ODF2L: variants seen among roughly 807,000 people sequenced by gnomAD.
The protein encoded by ODF2L is protein BCAP.
Under a neutral mutation model 86.3 loss-of-function variants are expected in ODF2L, and 76 were observed. The observed-to-expected ratio is 0.88, with a 90% CI of 0.73 to 1.07. The LOEUF is 1.07. Ranked by LOEUF, ODF2L falls within the 50% of genes least tolerant of loss-of-function variation. The probability of loss-of-function intolerance (pLI) is 0.00; values close to 1 mark genes in which losing one functional copy is unlikely to be tolerated. For missense variants in ODF2L, 748 were observed against 717.4 expected, an observed-to-expected ratio of 1.04 and a Z score of -0.49; for synonymous variants, 241 against 231.3, an observed-to-expected ratio of 1.04 and a Z score of -0.38.
intron 4 of ODF2L, among the ~76,000 whole-genome samples, chr1:86,384,461 T>C (rs897438002): frequency 7.1e-6 from 1 of 140,142 alleles, no homozygotes; most frequent in Non-Finnish European, 1.6e-5. Context: ...TATGACAAAG[T>C]TTTTGAGATG....
chr1:86,383,642 T>A (rs922445578), intron 4 of ODF2L, among the ~76,000 whole-genome samples: 12 of 151,780 alleles, frequency 7.9e-5, no homozygotes, highest in African/African-American at 2.9e-4. Context: ...GAAGACTATT[T>A]ACTCATTTTT....
At chr1:86,391,808 G>C (rs1661350207) in intron 1 of ODF2L, among the ~76,000 whole-genome samples, 1 of 152,002 alleles carries the variant, frequency 6.6e-6, no homozygotes, top group Admixed American at 6.5e-5. Context: ...TCATTACCAA[G>C]AACCCAAAAA....
chr1:86,358,787 C>A, exon 13 of ODF2L: 1 of 1,210,756 alleles, frequency 8.3e-7, no homozygotes, highest in Non-Finnish European at 1.2e-6. Flanking sequence ...CCAAACGTAC[C>A]TTCTCTACAT....
exon 4 of ODF2L, chr1:86,384,765 G>T: frequency 6.6e-7 from 1 of 1,522,338 alleles, no homozygotes. Context: ...ATTTCCTTCT[G>T]TTCAGAAATC....
At chr1:86,376,480 TA>T (rs1356350400) in intron 7 of ODF2L, 62 bp from the exon 8 acceptor site, 1 of 1,005,206 alleles carries the variant, frequency 9.9e-7, no homozygotes, top group Non-Finnish European at 1.5e-6. Context: ...GTAAACATTG[TA>T]AAAATATGTA....
At chr1:86,347,524 T>C (rs117783135), downstream of ODF2L, 10 of 152,342 alleles carry the variant, frequency 6.6e-5, no homozygotes, top group East Asian at 1.9e-3. Flanking sequence ...TCTGACACTC[T>C]GTATTTTGCT....
chr1:86,383,860 T>G (rs957481836), intron 4 of ODF2L, among the ~76,000 whole-genome samples: 4 of 151,670 alleles, frequency 2.6e-5, no homozygotes, highest in Non-Finnish European at 4.4e-5. Context: ...CATGAGAAAA[T>G]ATTGATGATA....
At chr1:86,384,904 ATTC>A (rs1660836553) in intron 3 of ODF2L, 103 bp from the exon 4 acceptor site, 10 of 875,264 alleles carry the variant, frequency 1.1e-5, no homozygotes, top group Admixed American at 3.6e-5. Flanking sequence ...AAACAAAATC[ATTC>A]TTTTGTGCAT....
intron 3 of ODF2L, 28 bp from the exon 4 acceptor site, chr1:86,384,829 A>AT: frequency 6.8e-7 from 1 of 1,464,770 alleles, no homozygotes; most frequent in Non-Finnish European, 9.0e-7. Flanking sequence ...CCACATACAC[A>AT]TTTTAAGACA....
rs71643841 is a variant in ODF2L at position 86,366,391 on chromosome 1, T to TACACACAC, written c.1143+2237_1143+2244dup. On this transcript the variant is annotated intron_variant, in intron 11 of 17. Transcript: ENST00000317336. ...CTAGGCAGCATAGTGAGACCCCACC[T>TACACACAC]ACACACACACACACACACACACACA... Among the ~76,000 whole-genome samples, 397 of 119,330 alleles carry TACACACAC rather than the reference T, an allele frequency of 3.3e-3. 3 individuals carry two copies. Among genetic ancestry groups the TACACACAC allele is most frequent in the African/African-American group, 1.0e-2 (305 of 30,518 alleles). 78.3% of individuals were successfully genotyped at this position (119,330 alleles called of 152,430 possible). A position where few individuals can be genotyped will look rare whatever the true frequency, so the allele number is the denominator to read the frequency against.
exon 4 of ODF2L, chr1:86,384,685 G>A (rs1364814007): frequency 1.4e-6 from 2 of 1,475,640 alleles, no homozygotes; most frequent in East Asian, 2.6e-5. Context: ...CTTGTTTGTA[G>A]TCTCTCTTTC....
chr1:86,349,425 T>A (rs774664363), downstream of ODF2L: 1 of 152,206 alleles, frequency 6.6e-6, no homozygotes, highest in Non-Finnish European at 1.5e-5. Flanking sequence ...TCACTGACAA[T>A]GCTTTAGATA....
chr1:86,354,461 G>T, intron 16 of ODF2L, 69 bp downstream of exon 15: 3 of 983,012 alleles, frequency 3.1e-6, no homozygotes, highest in Non-Finnish European at 4.7e-6. Context: ...ACTACAGGTT[G>T]CAAGATGTTT....
intron 11 of ODF2L, among the ~76,000 whole-genome samples, chr1:86,363,557 C>T (rs1332972667): frequency 6.6e-6 from 1 of 151,704 alleles, no homozygotes; most frequent in Non-Finnish European, 1.5e-5. Flanking sequence ...TCTCTTTTGA[C>T]CATACAGTTA....
chr1:86,372,016 T>C (rs1659817789), intron 9 of ODF2L, among the ~76,000 whole-genome samples: 1 of 151,738 alleles, frequency 6.6e-6, no homozygotes, highest in African/African-American at 2.4e-5. Context: ...TGAAACCCTG[T>C]CTCTACTAAA....
Position 86,358,904 on chromosome 1 carries a change from T to C in ODF2L, c.1255-13A>G. 3 of 1,241,704 alleles carry C rather than the reference T, an allele frequency of 2.4e-6. No homozygotes were observed. Among genetic ancestry groups the C allele is most frequent in the Non-Finnish European group, 3.4e-6 (3 of 890,968 alleles). 76.9% of individuals were successfully genotyped at this position (1,241,704 alleles called of 1,614,324 possible). A position where few individuals can be genotyped will look rare whatever the true frequency, so the allele number is the denominator to read the frequency against. ...GCAACTTTTGTACCTGAAAATAAAG[T>C]ATTAGAGAAACATATTATTTTTAGA... On this transcript the variant is annotated splice_polypyrimidine_tract_variant and intron_variant, in intron 12 of 17. Coordinates refer to ENST00000317336, the Ensembl canonical transcript of ODF2L.
At chr1:86,372,379 TA>T in intron 9 of ODF2L, 51 bp downstream of exon 9, 1 of 886,912 alleles carries the variant, frequency 1.1e-6, no homozygotes, top group Non-Finnish European at 1.6e-6. Flanking sequence ...AAGAATTTTT[TA>T]AAAAGTGAAA....
chr1:86,376,351 A>C, exon 8 of ODF2L: 1 of 1,612,946 alleles, frequency 6.2e-7, no homozygotes, highest in Non-Finnish European at 8.5e-7. Context: ...TGCTTCTTTC[A>C]TCACTATAGC....
intron 1 of ODF2L, among the ~76,000 whole-genome samples, chr1:86,390,631 A>G (rs1370130270): frequency 6.6e-6 from 1 of 152,206 alleles, no homozygotes; most frequent in African/African-American, 2.4e-5. Context: ...AAAATCCAGC[A>G]TCGCTTTATG....
Sources: gnomAD v4.1 joint callset for allele counts (sites outside exome capture counted in the v4.1 genomes callset) on GRCh38, gnomAD v4.1.1 for gene constraint, MANE v1.5 for transcripts, NCBI Gene and HGNC (gene_info 2026-07-23, HGNC 2026-07-21) for gene names.